Variants in AUTS2 observed in about 807,000 individuals in gnomAD.
AUTS2 encodes autism susceptibility gene 2 protein.
AUTS2 carries 17 observed loss-of-function variants against 112.4 expected under a neutral mutation model. That is an observed-to-expected ratio of 0.15 (90% CI 0.10 to 0.23). AUTS2 has a LOEUF of 0.23. AUTS2 is among the 10% of genes least tolerant of loss of function. The pLI, the probability that AUTS2 is intolerant of heterozygous loss-of-function variation, is 1.00. For synonymous variants in AUTS2, 751 were observed against 702.7 expected (o/e 1.07, Z -1.09); for missense variants, 1,510 against 1,701.6 (o/e 0.89, Z 1.98).
At chr7:69,609,031 C>T (rs376247336) in intron 1 of AUTS2, among the ~76,000 whole-genome samples, 1 of 152,128 alleles carries the variant, frequency 6.6e-6, no homozygotes, top group Non-Finnish European at 1.5e-5. Context: ...CTTTCTAAGC[C>T]GTGTGGCATC....
At chr7:70,538,356 C>T (rs1004643849) in intron 5 of AUTS2, among the ~76,000 whole-genome samples, 3 of 152,058 alleles carry the variant, frequency 2.0e-5, no homozygotes, top group African/African-American at 4.8e-5. Context: ...GGTGAAACCC[C>T]GTCTCTACTA....
intron 1 of AUTS2, among the ~76,000 whole-genome samples, chr7:69,786,976 A>C (rs147251429): frequency 1.3e-5 from 2 of 152,230 alleles, no homozygotes; most frequent in South Asian, 4.1e-4. Context: ...AAACAAGCCT[A>C]TCAGTTGAGG....
intron 4 of AUTS2, among the ~76,000 whole-genome samples, chr7:70,428,521 G>C (rs765173111): frequency 6.6e-6 from 1 of 152,150 alleles, no homozygotes; most frequent in African/African-American, 2.4e-5. Context: ...AAGGAGAATC[G>C]ATTTGTTTTG....
Position 69,599,660 on chromosome 7 carries a change from G to C in AUTS2, c.7G>C (p.Gly3Arg). 1.5e-6 allele frequency: 2 copies of C among 1,303,370 alleles called. No individual in the cohort carries two copies. Among genetic ancestry groups the C allele is most frequent in the Non-Finnish European group, 1.9e-6 (2 of 1,030,046 alleles). 80.7% of individuals were successfully genotyped at this position (1,303,370 alleles called of 1,614,324 possible). The change falls in exon 1 of 19, where the codon GGC becomes CGC. Residue 3 changes from glycine (G) to arginine (R), a missense_variant. By Grantham distance (125) the Gly-to-Arg change is moderately radical. Coordinates refer to ENST00000342771, the MANE Select transcript of AUTS2 (RefSeq NM_015570.4). The surrounding 1 kb of genome is among the most constrained non-coding windows in gnomAD (Gnocchi z 7.0). MDGPTRGHGLRKK... is the reference protein window; with the variant it reads MDRPTRGHGLRKK... Reference sequence around the variant, plus strand: ...ACCCCGGCGCAGCAGAACCATGGATGGCCCGACGCGGGGCCATGGACTCCG... The same window carrying C: ...ACCCCGGCGCAGCAGAACCATGGATCGCCCGACGCGGGGCCATGGACTCCG...
chr7:70,116,456 A>G (rs1213540719), intron 2 of AUTS2, among the ~76,000 whole-genome samples: 1 of 152,178 alleles, frequency 6.6e-6, no homozygotes, highest in East Asian at 1.9e-4. Flanking sequence ...ATCTTCCCCT[A>G]GGCACCATAG....
intron 2 of AUTS2, among the ~76,000 whole-genome samples, chr7:70,049,835 G>A (rs1466350910): frequency 6.6e-6 from 1 of 151,698 alleles, no homozygotes; most frequent in Non-Finnish European, 1.5e-5. Flanking sequence ...AAGACCCTGT[G>A]TCTACAAAAC....
At chr7:70,287,202 C>T (rs908314114) in intron 4 of AUTS2, among the ~76,000 whole-genome samples, 2 of 152,150 alleles carry the variant, frequency 1.3e-5, no homozygotes, top group Non-Finnish European at 2.9e-5. Context: ...GTTTCATGGA[C>T]AGGGTCAGAA....
At chr7:70,672,211 C>T (rs1325341133) in intron 5 of AUTS2, among the ~76,000 whole-genome samples, 2 of 152,180 alleles carry the variant, frequency 1.3e-5, no homozygotes, top group Admixed American at 6.5e-5. Flanking sequence ...GTCTTGGGAG[C>T]CCCCTACTTG....
chr7:70,150,240 G>A (rs1448154031), intron 4 of AUTS2, among the ~76,000 whole-genome samples: 1 of 151,988 alleles, frequency 6.6e-6, no homozygotes, highest in Non-Finnish European at 1.5e-5. Flanking sequence ...ACTGAATAAG[G>A]CTATTAGAAC....
rs35330696 is a variant in AUTS2, at chr7:70,397,067, A to AT, written c.661-38672dup. Among the ~76,000 whole-genome samples the AT allele has an allele frequency of 5.7e-3, 824 of 143,562 alleles. 4 individuals are homozygous for AT. Among genetic ancestry groups the AT allele is most frequent in the African/African-American group, 0.013 (485 of 38,726 alleles). The allele number at this position is 143,562 out of a possible 152,430, so 94.2% of individuals were successfully genotyped here. On this transcript the variant is annotated intron_variant, in intron 4 of 18. Transcript: ENST00000342771. Reference sequence around the variant, plus strand: ...TTTTCATTTTAGCCATTCTTTTATTATTTTTTTTTTTTTGAGATGGAATTT... The same window carrying AT: ...TTTTCATTTTAGCCATTCTTTTATTATTTTTTTTTTTTTTGAGATGGAATTT...
intron 1 of AUTS2, among the ~76,000 whole-genome samples, chr7:69,787,350 T>C (rs991178500): frequency 6.6e-6 from 1 of 152,214 alleles, no homozygotes; most frequent in African/African-American, 2.4e-5. Context: ...TCTTTTTCTG[T>C]CATAGAAAGA....
Position 70,739,107 on chromosome 7 carries a change from G to C in AUTS2, c.743-23763G>C, listed in dbSNP as rs375711331. ...GTGTTGCTGTCATAGCTCACTTGCAGCCTCTACCTCTAGGGTTCAAACAAT... is the reference window on the plus strand; with the variant it reads ...GTGTTGCTGTCATAGCTCACTTGCACCCTCTACCTCTAGGGTTCAAACAAT... On this transcript the variant is annotated intron_variant, in intron 6 of 18. Coordinates refer to ENST00000342771, the MANE Select transcript of AUTS2 (RefSeq NM_015570.4). Among the ~76,000 whole-genome samples, 40 of 132,758 alleles carry C rather than the reference G, an allele frequency of 3.0e-4. 1 individual carries two copies. The South Asian group carries it at 9.2e-3, about 30-fold the overall frequency. The allele number at this position is 132,758 out of a possible 152,430, so 87.1% of individuals were successfully genotyped here.
chr7:70,414,928 A>G (rs10486878), intron 4 of AUTS2, among the ~76,000 whole-genome samples: 10,900 of 152,210 alleles, frequency 0.072, 475 homozygotes, highest in East Asian at 0.14. Flanking sequence ...CTCCCAGTGC[A>G]GTGGATCCAA....
chr7:70,743,797 C>T (rs1016841749), intron 6 of AUTS2, among the ~76,000 whole-genome samples: 1 of 152,176 alleles, frequency 6.6e-6, no homozygotes, highest in Non-Finnish European at 1.5e-5. Context: ...AAATGTGTGC[C>T]TGAAGTGCAC....
chr7:70,788,179 C>CTGAT (rs1441961745), intron 18 of AUTS2, among the ~76,000 whole-genome samples: 1 of 151,918 alleles, frequency 6.6e-6, no homozygotes, highest in Non-Finnish European at 1.5e-5. Flanking sequence ...TTTAAATGAA[C>CTGAT]TGATAAGGAA....
intron 1 of AUTS2, among the ~76,000 whole-genome samples, chr7:69,869,868 G>A (rs377242814): frequency 1.2e-4 from 18 of 152,182 alleles, no homozygotes; most frequent in African/African-American, 4.1e-4. Context: ...TTAGAATGAA[G>A]TGAGCAGCAG....
intron 2 of AUTS2, among the ~76,000 whole-genome samples, chr7:69,908,085 A>G (rs1795216810): frequency 6.6e-6 from 1 of 152,240 alleles, no homozygotes; most frequent in Non-Finnish European, 1.5e-5. Context: ...TAGATACAAT[A>G]TAACTGCATT....
intron 5 of AUTS2, among the ~76,000 whole-genome samples, chr7:70,453,120 A>G (rs1796597290): frequency 6.6e-6 from 1 of 152,082 alleles, no homozygotes. Context: ...TGAAGCTTTC[A>G]GGGGTCCTAA....
At chr7:70,625,266 C>T (rs1804878145) in intron 5 of AUTS2, among the ~76,000 whole-genome samples, 2 of 152,148 alleles carry the variant, frequency 1.3e-5, no homozygotes, top group Admixed American at 6.5e-5. Context: ...GGTATGTAGC[C>T]AAGTGCTTGA....
Sources: allele counts gnomAD v4.1 joint callset (sites outside exome capture counted in the v4.1 genomes callset), GRCh38; gene constraint gnomAD v4.1.1; non-coding constraint Gnocchi (gnomAD v3.1); transcripts MANE v1.5; gene names NCBI Gene and HGNC (gene_info 2026-07-23, HGNC 2026-07-21).